Variants in CRYL1 observed in about 807,000 individuals in gnomAD.
The protein encoded by CRYL1 is lambda-crystallin homolog.
In CRYL1, 29 loss-of-function variants were observed where a neutral mutation model predicts 36.6. The observed-to-expected ratio is 0.79, with a 90% CI of 0.59 to 1.08. The LOEUF (loss-of-function observed/expected upper bound fraction) is 1.08. CRYL1 is among the 50% of genes least tolerant of loss of function. The pLI is 0.00. For synonymous variants in CRYL1, 152 were observed against 151.5 expected, an observed-to-expected ratio of 1.00 and a Z score of -0.02; for missense variants, 411 against 407.9, an observed-to-expected ratio of 1.01 and a Z score of -0.06.
rs563886944 is a variant in CRYL1, at chr13:20,486,566, T to C, written c.276+2804A>G. Among the ~76,000 whole-genome samples the C allele has an allele frequency of 3.8e-3, 558 of 147,376 alleles. 3 individuals carry two copies. Among genetic ancestry groups the C allele is most frequent in the Middle Eastern group, 0.021 (6 of 282 alleles). ...GGTCAGAACTATTCCTACCCACTCCTTTCTCTGGTACTGGAGGTACAACAA... is the reference window on the plus strand; with the variant it reads ...GGTCAGAACTATTCCTACCCACTCCCTTCTCTGGTACTGGAGGTACAACAA... On this transcript the variant is annotated intron_variant, in intron 3 of 7. Transcript: ENST00000298248.
At chr13:20,476,586 C>A (rs185870775) in intron 3 of CRYL1, among the ~76,000 whole-genome samples, 3 of 152,326 alleles carry the variant, frequency 2.0e-5, no homozygotes, top group Admixed American at 2.0e-4. Context: ...ATGCTCCCAG[C>A]GTGCTGATAC....
intron 1 of CRYL1, among the ~76,000 whole-genome samples, chr13:20,519,510 C>T (rs888022895): frequency 1.3e-5 from 2 of 151,686 alleles, no homozygotes; most frequent in East Asian, 3.9e-4. Context: ...CGCCTGTAAT[C>T]CCAGCACTTT....
chr13:20,432,365 G>T, intron 4 of CRYL1, 69 bp from the exon 5 acceptor site: 3 of 1,151,272 alleles, frequency 2.6e-6, no homozygotes, highest in Non-Finnish European at 3.8e-6. Flanking sequence ...CACCCACCCT[G>T]AATGGTCAGG....
intron 5 of CRYL1, among the ~76,000 whole-genome samples, chr13:20,427,576 AC>A (rs1423362267): frequency 6.6e-6 from 1 of 151,476 alleles, no homozygotes; most frequent in Admixed American, 6.6e-5. Context: ...CCCTCCACAA[AC>A]CCCCACAGTG....
At chr13:20,501,623 G>GT (rs2033705940) in intron 2 of CRYL1, among the ~76,000 whole-genome samples, 1 of 152,198 alleles carries the variant, frequency 6.6e-6, no homozygotes, top group Non-Finnish European at 1.5e-5. Flanking sequence ...GGAAGATCAG[G>GT]TAAGATTAGC....
intron 2 of CRYL1, among the ~76,000 whole-genome samples, chr13:20,504,511 G>A (rs1042820990): frequency 2.0e-5 from 3 of 151,902 alleles, no homozygotes; most frequent in African/African-American, 7.2e-5. Flanking sequence ...TTACTACGTT[G>A]GCCAGGCTGG....
chr13:20,484,503 T>A (rs1181249730), intron 3 of CRYL1, among the ~76,000 whole-genome samples: 3 of 152,076 alleles, frequency 2.0e-5, no homozygotes, highest in African/African-American at 7.2e-5. Flanking sequence ...GAAACCCTGT[T>A]TCTACTAAAA....
At chr13:20,464,908 C>T (rs1042228895) in intron 3 of CRYL1, among the ~76,000 whole-genome samples, 4 of 152,330 alleles carry the variant, frequency 2.6e-5, no homozygotes, top group East Asian at 1.9e-4. Flanking sequence ...CAGCCGCCTT[C>T]GCCATATCCC....
intron 3 of CRYL1, among the ~76,000 whole-genome samples, chr13:20,483,553 T>A (rs1565979263): frequency 6.6e-6 from 1 of 152,112 alleles, no homozygotes; most frequent in Non-Finnish European, 1.5e-5. Flanking sequence ...TGTCTGTTTG[T>A]TTTTGAGACA....
rs199970946 is a variant in CRYL1 at position 20,426,165 on chromosome 13, G to A, written c.633+5937C>T. On this transcript the variant is annotated intron_variant, in intron 5 of 7. Coordinates refer to ENST00000298248, the MANE Select transcript of CRYL1 (RefSeq NM_015974.3). ...AGCAGGCCCAAGCGGGGCAGGTCTG[G>A]CTGGGTGAGCTTTTGATTTGCAAGA... 3.2e-4 allele frequency among the ~76,000 whole-genome samples: 48 copies of A among 152,202 alleles called. No homozygotes were observed. In the East Asian group the frequency reaches 9.1e-3, roughly 29 times the overall value.
chr13:20,500,702 G>A (rs2137490368), intron 2 of CRYL1, among the ~76,000 whole-genome samples: 1 of 152,292 alleles, frequency 6.6e-6, no homozygotes, highest in East Asian at 1.9e-4. Flanking sequence ...GTCTTCCATG[G>A]TATGGAGCTG....
rs145021116 is a variant in CRYL1, at chr13:20,413,933, C to T, written c.634-546G>A. Among the ~76,000 whole-genome samples, 1,451 of 152,062 alleles carry T rather than the reference C, an allele frequency of 9.5e-3. 14 individuals are homozygous for T. Among genetic ancestry groups the T allele is most frequent in the African/African-American group, 0.033 (1,366 of 41,458 alleles). ...CTCACACCTGTAATCCCAGCACTTT[C>T]GGAGGCTGAGGTGGGGGATCACCTG... is the stretch of plus-strand genomic sequence containing the variant. On this transcript the variant is annotated intron_variant, in intron 5 of 7. Coordinates refer to ENST00000298248, the MANE Select transcript of CRYL1 (RefSeq NM_015974.3).
chr13:20,503,773 T>A (rs894543751), intron 2 of CRYL1, among the ~76,000 whole-genome samples: 1 of 152,016 alleles, frequency 6.6e-6, no homozygotes, highest in African/African-American at 2.4e-5. Context: ...CCAATCCAGA[T>A]CAAAACACAG....
chr13:20,410,020 A>G (rs1013529222), intron 6 of CRYL1, among the ~76,000 whole-genome samples: 48 of 152,044 alleles, frequency 3.2e-4, no homozygotes, highest in African/African-American at 1.2e-3. Flanking sequence ...TGACCCAGCC[A>G]TCCCATTACT....
At position 20,415,388 on chromosome 13, in the gene CRYL1, G is replaced by C. The variant is rs1593429154; in HGVS notation, c.634-2001C>G. 6.6e-6 allele frequency among the ~76,000 whole-genome samples: 1 copy of C among 152,018 alleles called. No homozygotes were observed. The highest frequency in any genetic ancestry group is 1.5e-5 in the Non-Finnish European group (1 of 67,990). ...GAAACCCCCGCCGTGCCCCGCAACC[G>C]GCTGCGGCGGGCGACAGCCAGGTGC... On this transcript the variant is annotated intron_variant, in intron 5 of 7. Transcript: ENST00000298248. The surrounding 1 kb of genome is among the most constrained non-coding windows in gnomAD (Gnocchi z 4.1).
chr13:20,453,662 A>G (rs1241646426), intron 3 of CRYL1, among the ~76,000 whole-genome samples: 1 of 152,134 alleles, frequency 6.6e-6, no homozygotes, highest in Non-Finnish European at 1.5e-5. Flanking sequence ...AAAAGCAGAA[A>G]TCAATGAAAT....
intron 2 of CRYL1, among the ~76,000 whole-genome samples, chr13:20,507,700 C>T (rs369364767): frequency 6.6e-5 from 10 of 152,136 alleles, no homozygotes; most frequent in South Asian, 2.1e-4. Context: ...AGGCGGATCA[C>T]AAGGTCAGGA....
At position 20,525,186 on chromosome 13, in the gene CRYL1, G is replaced by T. The variant is rs1188460616; in HGVS notation, c.41+568C>A. Among the ~76,000 whole-genome samples, 1 of 152,120 alleles carries T rather than the reference G, an allele frequency of 6.6e-6. No individual in the cohort carries two copies. Among genetic ancestry groups the T allele is most frequent in the African/African-American group, 2.4e-5 (1 of 41,434 alleles). On this transcript the variant is annotated intron_variant, in intron 1 of 7. Transcript: ENST00000298248. This position sits in a 1 kb window ranked among gnomAD's most constrained non-coding sequence, Gnocchi z 4.3. ...AAACATCGCCTCGCCCAGGAATTAG[G>T]ACTGCGTGTATGTTCGCCTAACACC...
In CRYL1 at chr13:20,435,887, T is replaced by C. The variant is rs2032202595; in HGVS notation, c.439-3591A>G. ...CGCGGGAGGCAGCCGGGCTGGGGCC[T>C]CTTGCCAGCCCTCGGTGTTCGATGC... On this transcript the variant is annotated intron_variant, in intron 4 of 7. Transcript: ENST00000298248. The surrounding 1 kb of genome is among the most constrained non-coding windows in gnomAD (Gnocchi z 4.0). Among the ~76,000 whole-genome samples, 1 of 151,966 alleles carries C rather than the reference T, an allele frequency of 6.6e-6. No homozygotes were observed.
Sources: allele counts gnomAD v4.1 joint callset (sites outside exome capture counted in the v4.1 genomes callset), GRCh38; gene constraint gnomAD v4.1.1; non-coding constraint Gnocchi (gnomAD v3.1); transcripts MANE v1.5; gene names NCBI Gene and HGNC (gene_info 2026-07-23, HGNC 2026-07-21).